Variants in LNPK observed in about 807,000 individuals in gnomAD.
The protein encoded by LNPK is endoplasmic reticulum junction formation protein lunapark.
In LNPK, 29 loss-of-function variants were observed where a neutral mutation model predicts 55.2. The observed-to-expected ratio is 0.53, with a 90% CI of 0.39 to 0.72. The LOEUF is 0.72. LNPK is among the 30% of genes least tolerant of loss of function. The pLI is 0.00. For synonymous variants in LNPK, 162 were observed against 168.2 expected (o/e 0.96, Z 0.29); for missense variants, 467 against 494.8 (o/e 0.94, Z 0.53).
At chr2:175,947,414 G>C (rs1685186698) in intron 9 of LNPK, 66 bp downstream of exon 9, 1 of 1,340,646 alleles carries the variant, frequency 7.5e-7, no homozygotes, top group Non-Finnish European at 1.1e-6. Context: ...ACCTGAAAAT[G>C]GCCCGTTTTA....
Position 175,964,516 on chromosome 2 carries a change from T to C in LNPK, c.431A>G (p.Lys144Arg). The change falls in exon 7 of 13, where the codon AAG becomes AGG. Residue 144 changes from lysine (K) to arginine (R), a missense_variant. Transcript: ENST00000272748. ...LILERFDPDS[K>R]KAKECEPPSA... ...ATATCACAGTCTTACCTTTGCTTTC[T>C]TTGAGTCCGGATCAAACCTTTCAAG... 1 of 1,607,544 alleles carries C rather than the reference T, an allele frequency of 6.2e-7. No homozygotes were observed. The highest frequency in any genetic ancestry group is 8.5e-7 in the Non-Finnish European group (1 of 1,174,182).
chr2:175,970,790 C>A lies in LNPK; in HGVS notation c.331G>T (p.Asp111Tyr). ...ATTTTTTTCCTCTGGGATTTTAAAT[C>A]ATCCAATGCTTCATCTAGAAAGCAA... Reference protein sequence around the residue: ...RTERNNEALDDLKSQRKKILE... With the variant: ...RTERNNEALDYLKSQRKKILE... The change falls in exon 6 of 13, where the codon GAT becomes TAT. Residue 111 changes from aspartate (D) to tyrosine (Y), a missense_variant. Transcript: ENST00000272748. 7.1e-7 allele frequency: 1 copy of A among 1,404,034 alleles called. No homozygotes were observed. Among genetic ancestry groups the A allele is most frequent in the South Asian group, 1.5e-5 (1 of 67,978 alleles). The allele number at this position is 1,404,034 out of a possible 1,614,324, so 87.0% of individuals were successfully genotyped here.
At chr2:175,971,992 C>T (rs556561287) in intron 5 of LNPK, among the ~76,000 whole-genome samples, 1 of 152,254 alleles carries the variant, frequency 6.6e-6, no homozygotes, top group South Asian at 2.1e-4. Flanking sequence ...GATCTCGGCT[C>T]ACTGCAGCCT....
intron 5 of LNPK, among the ~76,000 whole-genome samples, chr2:175,978,726 T>TA (rs1248032409): frequency 4.6e-5 from 7 of 152,248 alleles, no homozygotes; most frequent in Admixed American, 4.6e-4. Flanking sequence ...TTTCCTCTAA[T>TA]AAGTTTAGCT....
chr2:175,978,286 T>G (rs1306189654), intron 5 of LNPK, among the ~76,000 whole-genome samples: 1 of 152,144 alleles, frequency 6.6e-6, no homozygotes, highest in Non-Finnish European at 1.5e-5. Context: ...TGCAGGAGGA[T>G]GTGTAGGTTA....
In LNPK at chr2:175,960,768, A is replaced by G. The variant is rs185509378; in HGVS notation, c.493+3604T>C. On this transcript the variant is annotated intron_variant, in intron 8 of 12. Coordinates refer to ENST00000272748, the MANE Select transcript of LNPK (RefSeq NM_030650.3). ...AACCCTTCAAAAAATCAATGACTCC[A>G]GGAGCTGGTTTTTGAAAAGACCAGC... Among the ~76,000 whole-genome samples, 48 of 152,360 alleles carry G rather than the reference A, an allele frequency of 3.2e-4. 1 individual carries two copies. Among genetic ancestry groups the G allele is most frequent in the African/African-American group, 1.1e-3 (45 of 41,592 alleles).
At chr2:175,934,643 CT>C (rs1249129806) in intron 12 of LNPK, among the ~76,000 whole-genome samples, 1 of 151,812 alleles carries the variant, frequency 6.6e-6, no homozygotes. Flanking sequence ...AAAAAGAATG[CT>C]TTTTTAAAAA....
intron 8 of LNPK, among the ~76,000 whole-genome samples, chr2:175,960,336 G>T (rs773825255): frequency 5.3e-5 from 8 of 152,240 alleles, no homozygotes; most frequent in Non-Finnish European, 1.2e-4. Flanking sequence ...AAATGTAAAA[G>T]AACAGAAATC....
chr2:175,938,516 A>C (rs1309199075), intron 10 of LNPK, 133 bp from the exon 11 acceptor site: 4 of 456,930 alleles, frequency 8.8e-6, no homozygotes, highest in Non-Finnish European at 1.6e-5. Flanking sequence ...TATGAGACTT[A>C]GTAAACAACA....
At chr2:175,975,415 ACTT>A (rs771685813) in intron 5 of LNPK, among the ~76,000 whole-genome samples, 1 of 152,214 alleles carries the variant, frequency 6.6e-6, no homozygotes, top group Non-Finnish European at 1.5e-5. Flanking sequence ...AACATTTACT[ACTT>A]TTAACAGTCC....
intron 2 of LNPK, among the ~76,000 whole-genome samples, chr2:175,994,611 C>T (rs985767690): frequency 1.4e-4 from 21 of 152,154 alleles, no homozygotes; most frequent in African/African-American, 4.8e-4. Context: ...CAACCTTCAC[C>T]TCCTGGATGG....
chr2:175,993,070 A>C (rs1434083369), intron 3 of LNPK, 112 bp downstream of exon 3: 4 of 647,782 alleles, frequency 6.2e-6, no homozygotes, highest in Non-Finnish European at 1.0e-5. Flanking sequence ...GACTCACTCT[A>C]TATCATTTCT....
At chr2:175,998,860 G>T (rs1688059848) in intron 1 of LNPK, among the ~76,000 whole-genome samples, 2 of 152,156 alleles carry the variant, frequency 1.3e-5, no homozygotes, top group Non-Finnish European at 2.9e-5. Flanking sequence ...TTTACTGCAT[G>T]TCAATTTTAA....
At chr2:175,992,714 T>C (rs1290725014) in intron 3 of LNPK, among the ~76,000 whole-genome samples, 1 of 152,108 alleles carries the variant, frequency 6.6e-6, no homozygotes, top group Non-Finnish European at 1.5e-5. Context: ...GCAATAATAT[T>C]TGTTGAGTCA....
At chr2:175,949,572 G>T (rs538631706) in intron 8 of LNPK, among the ~76,000 whole-genome samples, 1 of 151,944 alleles carries the variant, frequency 6.6e-6, no homozygotes, top group South Asian at 2.1e-4. Context: ...ACGAAGACTT[G>T]AGACTACTTC....
intron 8 of LNPK, among the ~76,000 whole-genome samples, chr2:175,962,567 A>T (rs1686097194): frequency 6.6e-6 from 1 of 152,256 alleles, no homozygotes; most frequent in African/African-American, 2.4e-5. Flanking sequence ...GATGTATTAA[A>T]GACTTAAATG....
intron 6 of LNPK, among the ~76,000 whole-genome samples, chr2:175,970,223 T>C (rs376757619): frequency 6.6e-6 from 1 of 152,154 alleles, no homozygotes; most frequent in East Asian, 1.9e-4. Context: ...CCAACACATC[T>C]GAAGGGATGC....
At chr2:175,998,745 T>C (rs1406994217) in intron 1 of LNPK, among the ~76,000 whole-genome samples, 2 of 152,162 alleles carry the variant, frequency 1.3e-5, no homozygotes, top group Non-Finnish European at 2.9e-5. Context: ...TACATTTGAG[T>C]GTTTAAATCT....
In LNPK at chr2:175,971,441, TAA is replaced by T. The variant is rs1171961198; in HGVS notation, c.317-639_317-638del. Among the ~76,000 whole-genome samples the T allele has an allele frequency of 1.1e-4, 16 of 152,308 alleles. No homozygotes were observed. The South Asian group carries it at 1.9e-3, about 18-fold the overall frequency. On this transcript the variant is annotated intron_variant, in intron 5 of 12. Coordinates refer to ENST00000272748, the MANE Select transcript of LNPK (RefSeq NM_030650.3). ...GTCAATGTTTGATTTACAAATTATT[TAA>T]GTTTCTAGTTTTTCTCTAGAAATAT...
Sources: allele counts gnomAD v4.1 joint callset (sites outside exome capture counted in the v4.1 genomes callset), GRCh38; gene constraint gnomAD v4.1.1; transcripts MANE v1.5; gene names NCBI Gene and HGNC (gene_info 2026-07-23, HGNC 2026-07-21).